The following NTAQ1 variants were observed in gnomAD, a reference collection of about 807,000 sequenced individuals.
NTAQ1 encodes the protein protein N-terminal glutamine amidohydrolase.
In NTAQ1, 21 loss-of-function variants were observed where a neutral mutation model predicts 28.2. That is an observed-to-expected ratio of 0.74 (90% CI 0.53 to 1.07). The LOEUF (loss-of-function observed/expected upper bound fraction) is 1.07, where lower values mean the gene tolerates loss of function less well. Among genes scored for constraint, NTAQ1 ranks in the 50% least tolerant of loss-of-function variants. NTAQ1 has a pLI of 0.00. For synonymous variants in NTAQ1, 105 were observed against 90.0 expected, an observed-to-expected ratio of 1.17 and a Z score of -0.94; for missense variants, 264 against 256.6, an observed-to-expected ratio of 1.03 and a Z score of -0.20.
intron 3 of NTAQ1, 106 bp from the exon 4 acceptor site, chr8:123,436,347 G>A (rs1814709580): frequency 1.9e-6 from 2 of 1,046,318 alleles, no homozygotes; most frequent in Non-Finnish European, 2.8e-6. Context: ...TTATAAGGAG[G>A]GCTGTAGCAG....
rs72724294 is a variant in NTAQ1, at chr8:123,437,095, C to G, written c.384-115C>G. 1.4e-3 allele frequency: 1,943 copies of G among 1,383,534 alleles called. 3 individuals are homozygous for G. Among genetic ancestry groups the G allele is most frequent in the South Asian group, 3.2e-3 (233 of 72,908 alleles). 85.7% of individuals were successfully genotyped at this position (1,383,534 alleles called of 1,614,324 possible). A position where few individuals can be genotyped will look rare whatever the true frequency, so the allele number is the denominator to read the frequency against. On this transcript the variant is annotated intron_variant, in intron 4 of 5. Transcript: ENST00000287387. The stretch of plus-strand genomic sequence containing the variant: ...AAAGTTGCCTGTATTACTAACCATA[C>G]AGAAATGCATGAGTAGTTTTGTGCA...
Position 123,436,517 on chromosome 8 carries a change from C to G in NTAQ1, c.299C>G (p.Thr100Ser). The change falls in exon 4 of 6, where the codon ACT (threonine) becomes AGT (serine). Residue 100 changes from threonine (T) to serine (S), a missense_variant. By Grantham distance (58) the Thr-to-Ser change is moderately conservative (BLOSUM62 1). Coordinates refer to ENST00000287387, the MANE Select transcript of NTAQ1 (RefSeq NM_018024.3). ...GGQNFIYDLD[T>S]VLPFPCLFDT... ...CAGAACTTCATTTATGATCTCGATA[C>G]TGTCTTGCCATTTCCCTGCCTCTTT... 1 of 1,613,980 alleles carries G rather than the reference C, an allele frequency of 6.2e-7. No homozygotes were observed. The highest frequency in any genetic ancestry group is 1.1e-5 in the South Asian group (1 of 91,078).
chr8:123,436,001 C>T lies in NTAQ1; in HGVS notation c.235-452C>T, dbSNP rs551051600. On this transcript the variant is annotated intron_variant, in intron 3 of 5. Transcript: ENST00000287387. ...TTGCCAGCATGATGAAACCCTATCT[C>T]TACTAAAAATACAAAAAATTAGCTG... Among the ~76,000 whole-genome samples the T allele has an allele frequency of 4.6e-5, 7 of 151,456 alleles. No individual in the cohort carries two copies. In the South Asian group the frequency reaches 1.0e-3, roughly 23 times the overall value.
chr8:123,423,577 G>A (rs1320156243), intron 1 of NTAQ1, among the ~76,000 whole-genome samples: 1 of 151,958 alleles, frequency 6.6e-6, no homozygotes, highest in African/African-American at 2.4e-5. Flanking sequence ...CCACCTACAG[G>A]TATTTTTGTT....
chr8:123,438,019 T>C (rs574451425), intron 5 of NTAQ1: 1 of 590,780 alleles, frequency 1.7e-6, no homozygotes, highest in East Asian at 2.9e-5. Context: ...GAAATCCCCA[T>C]TGCATCCTTA....
intron 5 of NTAQ1, among the ~76,000 whole-genome samples, chr8:123,440,039 CTT>C (rs909474113): frequency 4.5e-5 from 6 of 134,476 alleles, no homozygotes; most frequent in Admixed American, 7.6e-5. Context: ...GGAATTGACT[CTT>C]TTTTTTTTTT....
chr8:123,448,086 A>G (rs1395865264), exon 7 of NTAQ1: 2 of 152,236 alleles, frequency 1.3e-5, no homozygotes, highest in Non-Finnish European at 2.9e-5. Flanking sequence ...GAAGCTACTT[A>G]TCAAAGGCAG....
At chr8:123,435,646 C>G (rs770464055) in intron 3 of NTAQ1, 2 of 486,596 alleles carry the variant, frequency 4.1e-6, no homozygotes, top group African/African-American at 4.2e-5. Flanking sequence ...GCGGGGGGAT[C>G]ACTTGAGGCC....
intron 6 of NTAQ1, among the ~76,000 whole-genome samples, chr8:123,464,891 A>G (rs1487489324): frequency 6.6e-6 from 1 of 152,184 alleles, no homozygotes; most frequent in East Asian, 1.9e-4. Context: ...TATAAAAATT[A>G]GCTGGGTGTG....
rs183162124 is a variant in NTAQ1 at position 123,461,486 on chromosome 8, C to T, written c.373-5593C>T. Among the ~76,000 whole-genome samples, 18 of 152,310 alleles carry T rather than the reference C, an allele frequency of 1.2e-4. No individual in the cohort carries two copies. In the East Asian group the frequency reaches 2.7e-3, roughly 23 times the overall value. On this transcript the variant is annotated intron_variant, in intron 6 of 6. Coordinates refer to the NTAQ1 transcript ENST00000650311. ...ACACCCCGAGAGGTTATTTCACTTG[C>T]TCAAGCTCACATATCCAGTATGTAA...
chr8:123,431,854 A>G (rs948533622), intron 3 of NTAQ1, among the ~76,000 whole-genome samples: 1 of 152,250 alleles, frequency 6.6e-6, no homozygotes, highest in Non-Finnish European at 1.5e-5. Context: ...TACTGTTAGC[A>G]GTGATACCTA....
chr8:123,457,948 C>T (rs1008986923), intron 6 of NTAQ1, among the ~76,000 whole-genome samples: 1 of 149,854 alleles, frequency 6.7e-6, no homozygotes, highest in Non-Finnish European at 1.5e-5. Context: ...ACAGGAAAAT[C>T]GCTTGAACCC....
rs755967387 is a variant in NTAQ1 at position 123,453,772 on chromosome 8, AAAC to A, written c.372+12429_372+12431del. Among the ~76,000 whole-genome samples the A allele has an allele frequency of 1.1e-4, 16 of 152,332 alleles. No homozygotes were observed. The East Asian group carries it at 1.7e-3, about 17-fold the overall frequency. On this transcript the variant is annotated intron_variant, in intron 6 of 6. Transcript: ENST00000650311. ...TTCATGTGTATGAACTCAATCCTCA[AAAC>A]AACAATATAAGGTAGATACCATTAT...
chr8:123,462,211 A>G (rs1054819573), intron 6 of NTAQ1, among the ~76,000 whole-genome samples: 3 of 151,890 alleles, frequency 2.0e-5, no homozygotes, highest in Admixed American at 6.6e-5. Flanking sequence ...ACGCCTGGCT[A>G]ATTTTTTTGT....
At chr8:123,427,514 C>T (rs191741963) in intron 1 of NTAQ1, among the ~76,000 whole-genome samples, 2 of 152,144 alleles carry the variant, frequency 1.3e-5, no homozygotes, top group African/African-American at 2.4e-5. Flanking sequence ...GTGATCCGCC[C>T]GCCTCGGCCT....
At chr8:123,448,446 C>G (rs1815366762), downstream of NTAQ1, among the ~76,000 whole-genome samples, 1 of 152,154 alleles carries the variant, frequency 6.6e-6, no homozygotes, top group South Asian at 2.1e-4. Flanking sequence ...AACCCCATCT[C>G]TCCCCAAAAT....
At chr8:123,420,253 T>G (rs1456526663) in intron 1 of NTAQ1, among the ~76,000 whole-genome samples, 2 of 152,226 alleles carry the variant, frequency 1.3e-5, no homozygotes, top group African/African-American at 4.8e-5. Context: ...TTTTTGTTCT[T>G]TGTCATTGCT....
chr8:123,429,913 A>G, intron 2 of NTAQ1, 70 bp from the exon 3 acceptor site: 1 of 1,130,800 alleles, frequency 8.8e-7, no homozygotes, highest in Non-Finnish European at 1.3e-6. Flanking sequence ...TCTCAAAAAA[A>G]AAAAAAGGAA....
intron 1 of NTAQ1, among the ~76,000 whole-genome samples, chr8:123,418,924 A>G (rs1011464810): frequency 6.6e-6 from 1 of 152,170 alleles, no homozygotes; most frequent in Admixed American, 6.5e-5. Flanking sequence ...TTAGCACCCT[A>G]GCCCTAGTTA....
Sources: gnomAD v4.1 joint callset for allele counts (sites outside exome capture counted in the v4.1 genomes callset) on GRCh38, gnomAD v4.1.1 for gene constraint, MANE v1.5 for transcripts, NCBI Gene and HGNC (gene_info 2026-07-23, HGNC 2026-07-21) for gene names.